Variants in STARD9 observed in about 807,000 individuals in gnomAD.
The protein encoded by STARD9 is StAR related lipid transfer domain containing 9.
Under a neutral mutation model 399.8 loss-of-function variants are expected in STARD9, and 346 were observed. That is an observed-to-expected ratio of 0.87 (90% CI 0.79 to 0.95). The LOEUF (loss-of-function observed/expected upper bound fraction) is 0.95, where lower values mean the gene tolerates loss of function less well. Among genes scored for constraint, STARD9 ranks in the 40% least tolerant of loss-of-function variants. The pLI is 0.00. For missense variants in STARD9, 5,832 were observed against 5,667.5 expected (o/e 1.03, Z -0.93); for synonymous variants, 2,203 against 2,143.5 (o/e 1.03, Z -0.77).
intron 26 of STARD9, among the ~76,000 whole-genome samples, chr15:42,707,887 T>G (rs2061124439): frequency 6.6e-6 from 1 of 151,798 alleles, no homozygotes; most frequent in African/African-American, 2.4e-5. Context: ...GTAAAAAAAT[T>G]TGAGAGCCAG....
chr15:42,647,551 C>G (rs188267549), intron 7 of STARD9, among the ~76,000 whole-genome samples: 454 of 152,204 alleles, frequency 3.0e-3, no homozygotes, highest in Non-Finnish European at 5.7e-3. Flanking sequence ...ATTAACGAAA[C>G]TAGCTTTCTT....
intron 7 of STARD9, among the ~76,000 whole-genome samples, chr15:42,642,118 A>T (rs759312964): frequency 2.6e-5 from 4 of 152,180 alleles, no homozygotes; most frequent in Non-Finnish European, 5.9e-5. Flanking sequence ...CCATTCTGTG[A>T]ATATGACTTT....
chr15:42,609,827 T>C (rs1402453594), intron 3 of STARD9, among the ~76,000 whole-genome samples: 1 of 152,086 alleles, frequency 6.6e-6, no homozygotes, highest in Non-Finnish European at 1.5e-5. Flanking sequence ...GTGTGGTGGC[T>C]CATGCCTGCA....
chr15:42,589,172 T>C (rs1230237965), intron 3 of STARD9, among the ~76,000 whole-genome samples: 1 of 152,084 alleles, frequency 6.6e-6, no homozygotes, highest in African/African-American at 2.4e-5. Context: ...GAAGTATAAT[T>C]TAGATATAGT....
chr15:42,636,693 A>T lies in STARD9; in HGVS notation c.352-1214A>T, dbSNP rs554894669. 7.9e-5 allele frequency among the ~76,000 whole-genome samples: 12 copies of T among 152,336 alleles called. No homozygotes were observed. In the East Asian group the frequency reaches 1.5e-3, roughly 20 times the overall value. On this transcript the variant is annotated intron_variant, in intron 4 of 32. Coordinates refer to ENST00000290607, the MANE Select transcript of STARD9 (RefSeq NM_020759.3). Reference sequence around the variant, plus strand: ...TATAGGACATGATTCCTCTTAGATGATTATCCCTGATGCCTTGGGCCTAGC... The same window carrying T: ...TATAGGACATGATTCCTCTTAGATGTTTATCCCTGATGCCTTGGGCCTAGC...
chr15:42,674,317 T>C lies in STARD9; in HGVS notation c.1498-123T>C, dbSNP rs1374991741. The stretch of plus-strand genomic sequence containing the variant: ...AGAAGTGGTACCGACCAGGCTGGGA[T>C]GGGATGAGAAGTGGTACAGATGAGG... On this transcript the variant is annotated intron_variant, in intron 16 of 32. Transcript: ENST00000290607. The C allele has an allele frequency of 3.0e-5, 23 of 779,636 alleles. No individual in the cohort carries two copies. The East Asian group carries it at 6.2e-4, about 21-fold the overall frequency. The allele number at this position is 779,636 out of a possible 1,614,324, so 48.3% of individuals were successfully genotyped here.
At chr15:42,662,123 A>G (rs1336645075) in intron 10 of STARD9, among the ~76,000 whole-genome samples, 1 of 152,136 alleles carries the variant, frequency 6.6e-6, no homozygotes, top group Non-Finnish European at 1.5e-5. Flanking sequence ...GCTCAACCCT[A>G]TCTCTAAAGA....
At chr15:42,708,287 CA>C (rs1350943930) in intron 26 of STARD9, among the ~76,000 whole-genome samples, 4 of 152,230 alleles carry the variant, frequency 2.6e-5, no homozygotes, top group African/African-American at 9.6e-5. Flanking sequence ...CTGTTAAGAT[CA>C]GGGGTTAGCA....
chr15:42,688,829 A>T lies in STARD9; in HGVS notation c.7251A>T (p.Gly2417=). Residue 2417 remains glycine (G), a synonymous_variant, in exon 23 of 33, where the codon GGA becomes GGT. Coordinates refer to ENST00000290607, the MANE Select transcript of STARD9 (RefSeq NM_020759.3). ...GGTCTGTGCGATCCATGGCCATGGG[A>T]TCTCATAGTCAATCTGGTGTACCAG... ...WCGSVRSMAM[G]SHSQSGVPES... is the part of the protein sequence containing the mutation. 2 of 1,537,292 alleles carry T rather than the reference A, an allele frequency of 1.3e-6. No individual in the cohort carries two copies. The highest frequency in any genetic ancestry group is 2.4e-5 in the South Asian group (2 of 84,060).
Position 42,687,490 on chromosome 15 carries a change from A to C in STARD9, c.5912A>C (p.Lys1971Thr). ...GCCCAGGGTGGTGGCCCAACCCCTA[A>C]GTGGGAAGGGAAAAATGAAACTGGG... ...MVAQGGGPTP[K>T]WEGKNETGLL... The change falls in exon 23 of 33, where the codon AAG becomes ACG. Residue 1971 changes from lysine to threonine, a missense_variant. Transcript: ENST00000290607. 2.6e-6 allele frequency: 4 copies of C among 1,537,142 alleles called. No individual in the cohort carries two copies. The South Asian group carries it at 3.6e-5, about 14-fold the overall frequency.
rs1481149668 is a variant in STARD9, at chr15:42,684,919, G to T, written c.3341G>T (p.Cys1114Phe). 6.5e-6 allele frequency: 10 copies of T among 1,536,930 alleles called. No homozygotes were observed. In the African/African-American group the frequency reaches 1.4e-4, roughly 21 times the overall value. ...AACTACTCATTGGATTCTCTCTCAT[G>T]TGTCTATGCCAAAGCCCTGATAGAG... ...DSNYSLDSLSCVYAKALIEPL... is the reference protein window; with the variant it reads ...DSNYSLDSLSFVYAKALIEPL... Residue 1114 changes from cysteine (C) to phenylalanine (F), a missense_variant, in exon 23 of 33, where the codon TGT (cysteine) becomes TTT (phenylalanine). Cys to Phe is a radical substitution (Grantham distance 205). This residue lies in a region of STARD9 where 5,828 missense variants were observed against 5,651.1 expected (regional missense o/e 1.03). Transcript: ENST00000290607.
intron 26 of STARD9, among the ~76,000 whole-genome samples, chr15:42,709,211 C>T (rs2061156893): frequency 6.6e-6 from 1 of 151,918 alleles, no homozygotes; most frequent in East Asian, 1.9e-4. Context: ...GCCTAGGCAA[C>T]ATAGTGATAC....
At chr15:42,575,816 G>C (rs903049912) in intron 1 of STARD9, 54 bp downstream of exon 1, 14 of 1,508,622 alleles carry the variant, frequency 9.3e-6, no homozygotes, top group Admixed American at 7.8e-5. Flanking sequence ...GAAAAGAGCG[G>C]GAGGTCCGCG....
intron 26 of STARD9, among the ~76,000 whole-genome samples, chr15:42,705,559 C>G (rs902525127): frequency 1.3e-5 from 2 of 151,788 alleles, no homozygotes; most frequent in African/African-American, 4.8e-5. Context: ...CTCAGCACTC[C>G]GAGTACCTGG....
chr15:42,646,972 G>T (rs894220417), intron 7 of STARD9, among the ~76,000 whole-genome samples: 2 of 152,186 alleles, frequency 1.3e-5, no homozygotes, highest in African/African-American at 4.8e-5. Flanking sequence ...GTAGGGGAAA[G>T]GTTGGCTGGT....
chr15:42,635,068 A>G, intron 4 of STARD9, 96 bp downstream of exon 4: 1 of 606,154 alleles, frequency 1.6e-6, no homozygotes, highest in African/African-American at 1.9e-5. Context: ...TTCTGTAGGC[A>G]GTCAACTTTA....
chr15:42,687,672 C>T lies in STARD9; in HGVS notation c.6094C>T (p.Pro2032Ser). 6.5e-7 allele frequency: 1 copy of T among 1,537,044 alleles called. No individual in the cohort carries two copies. The highest frequency in any genetic ancestry group is 8.7e-7 in the Non-Finnish European group (1 of 1,146,818). ...AGAAATGTTAAATCCCAACAGAGAA[C>T]CTTCTGGAAAGAAACAGAATAAAAG... is the stretch of plus-strand genomic sequence containing the variant. ...SQEMLNPNREPSGKKQNKRVN... is the reference protein window; with the variant it reads ...SQEMLNPNRESSGKKQNKRVN... The change falls in exon 23 of 33, where the codon CCT becomes TCT. Residue 2032 changes from proline to serine, a missense_variant. Physicochemically the swap from Pro to Ser is moderately conservative, Grantham distance 74. Around this residue, in one of 2 missense-constraint regions of STARD9, gnomAD observed 5,828 missense variants for 5,651.1 expected, o/e 1.03. Transcript: ENST00000290607.
intron 26 of STARD9, among the ~76,000 whole-genome samples, chr15:42,699,392 C>CTTTTCTTTTT (rs1359323091): frequency 2.6e-5 from 3 of 113,278 alleles, no homozygotes; most frequent in African/African-American, 1.2e-4. Context: ...TTTTTCTTTT[C>CTTTTCTTTTT]TTTTTTTTTT....
chr15:42,712,791 C>T (rs1243313960), intron 26 of STARD9, among the ~76,000 whole-genome samples: 3 of 152,138 alleles, frequency 2.0e-5, no homozygotes, highest in East Asian at 1.9e-4. Context: ...CTCAGCCGCC[C>T]AAAGTGCTAG....
Sources: allele counts gnomAD v4.1 joint callset (sites outside exome capture counted in the v4.1 genomes callset), GRCh38; gene constraint gnomAD v4.1.1; regional missense constraint gnomAD v4.1.1; transcripts MANE v1.5; gene names NCBI Gene and HGNC (gene_info 2026-07-23, HGNC 2026-07-21).